Variants in KCNT2 observed in about 807,000 individuals in gnomAD.
KCNT2 encodes the protein potassium sodium-activated channel subfamily T member 2, also known as potassium channel subfamily T member 2.
A neutral mutation model predicts 153.8 loss-of-function variants in KCNT2; 67 were observed. The ratio of observed to expected loss-of-function variants is 0.44; its 90% CI spans 0.36 to 0.53. The LOEUF is 0.53. KCNT2 is among the 20% of genes least tolerant of loss of function. The pLI, the probability that KCNT2 is intolerant of heterozygous loss-of-function variation, is 0.00. For synonymous variants in KCNT2, 500 were observed against 458.8 expected (o/e 1.09, Z -1.15); for missense variants, 975 against 1,354.8 (o/e 0.72, Z 4.40).
chr1:196,423,824 T>C (rs1437122355), intron 11 of KCNT2, among the ~76,000 whole-genome samples: 1 of 151,834 alleles, frequency 6.6e-6, no homozygotes, highest in Non-Finnish European at 1.5e-5. Context: ...TGTTGCACCA[T>C]GGTTATTAAG....
chr1:196,233,140 C>T (rs1381517979), intron 27 of KCNT2, among the ~76,000 whole-genome samples: 1 of 151,284 alleles, frequency 6.6e-6, no homozygotes, highest in Admixed American at 6.6e-5. Flanking sequence ...AATCCAAGTG[C>T]ATCATAAATA....
intron 8 of KCNT2, among the ~76,000 whole-genome samples, chr1:196,435,086 A>G (rs997922945): frequency 7.3e-6 from 1 of 137,180 alleles, no homozygotes; most frequent in Admixed American, 7.8e-5. Flanking sequence ...TAAGCCACTA[A>G]GTTTAGGGGT....
At position 196,274,352 on chromosome 1, in the gene KCNT2, A is replaced by G. The variant is rs372209026; in HGVS notation, c.2910+6508T>C. On this transcript the variant is annotated intron_variant, in intron 25 of 27. Transcript: ENST00000294725. Reference sequence around the variant, plus strand: ...CTAGTGTTAGTATTATAAGTATTATAATAGTATTATCTATAACTGAAAATA... The same window carrying G: ...CTAGTGTTAGTATTATAAGTATTATGATAGTATTATCTATAACTGAAAATA... 5.3e-5 allele frequency among the ~76,000 whole-genome samples: 8 copies of G among 151,818 alleles called. No homozygotes were observed. The East Asian group carries it at 1.4e-3, about 26-fold the overall frequency.
chr1:196,419,581 C>G (rs1452322140), intron 12 of KCNT2, among the ~76,000 whole-genome samples: 1 of 151,576 alleles, frequency 6.6e-6, no homozygotes, highest in Admixed American at 6.6e-5. Context: ...TCCAGTCTAT[C>G]ATTGTTGGAC....
At chr1:196,258,142 T>C (rs1656678543) in intron 26 of KCNT2, 52 bp downstream of exon 26, 1 of 1,570,236 alleles carries the variant, frequency 6.4e-7, no homozygotes, top group South Asian at 1.2e-5. Context: ...ATATTACTAC[T>C]AATGGCAAGA....
intron 26 of KCNT2, among the ~76,000 whole-genome samples, chr1:196,240,726 G>A (rs1275771346): frequency 6.6e-6 from 1 of 152,020 alleles, no homozygotes; most frequent in Admixed American, 6.6e-5. Context: ...GGCAAGCTGG[G>A]ACCAGATTCT....
intron 1 of KCNT2, among the ~76,000 whole-genome samples, chr1:196,551,502 G>T (rs1657900006): frequency 6.6e-6 from 1 of 151,628 alleles, no homozygotes; most frequent in South Asian, 2.1e-4. Flanking sequence ...TGCAGTTTTT[G>T]TATGCTAGAG....
intron 16 of KCNT2, among the ~76,000 whole-genome samples, chr1:196,339,548 G>GAGAGAGAGAGAGAGAC (rs1558165885): frequency 6.6e-6 from 1 of 150,614 alleles, no homozygotes; most frequent in African/African-American, 2.4e-5. Context: ...GAGAGAGAGA[G>GAGAGAGAGAGAGAGAC]AGAGACAGAG....
At chr1:196,346,592 T>C (rs1666163927) in intron 14 of KCNT2, among the ~76,000 whole-genome samples, 1 of 152,118 alleles carries the variant, frequency 6.6e-6, no homozygotes, top group Non-Finnish European at 1.5e-5. Context: ...CCTCTCATTA[T>C]TATTGACCTT....
At chr1:196,593,755 C>A (rs1437144900) in intron 1 of KCNT2, among the ~76,000 whole-genome samples, 1 of 152,146 alleles carries the variant, frequency 6.6e-6, no homozygotes, top group East Asian at 1.9e-4. Flanking sequence ...AAAGATATGA[C>A]TTTCTACACA....
chr1:196,349,809 A>T (rs1363452483), intron 14 of KCNT2, among the ~76,000 whole-genome samples: 1 of 151,754 alleles, frequency 6.6e-6, no homozygotes, highest in Non-Finnish European at 1.5e-5. Flanking sequence ...TGCACCCATT[A>T]ACTCGTCATT....
chr1:196,270,647 A>C (rs903396625), intron 25 of KCNT2, among the ~76,000 whole-genome samples: 2 of 152,044 alleles, frequency 1.3e-5, no homozygotes, highest in African/African-American at 4.8e-5. Flanking sequence ...TTAACTTAGC[A>C]GTGCAATTTA....
At chr1:196,305,763 T>G (rs1202713382) in intron 21 of KCNT2, among the ~76,000 whole-genome samples, 3 of 152,180 alleles carry the variant, frequency 2.0e-5, no homozygotes, top group Non-Finnish European at 4.4e-5. Context: ...AGCTCTTTCA[T>G]GTCCTATGGC....
At chr1:196,239,059 T>C (rs1475504442) in intron 26 of KCNT2, among the ~76,000 whole-genome samples, 1 of 151,912 alleles carries the variant, frequency 6.6e-6, no homozygotes, top group Non-Finnish European at 1.5e-5. Flanking sequence ...ATGGCAAAGA[T>C]ACAAATTAAT....
At chr1:196,434,361 C>T (rs764856372) in intron 8 of KCNT2, among the ~76,000 whole-genome samples, 2 of 151,902 alleles carry the variant, frequency 1.3e-5, no homozygotes, top group African/African-American at 2.4e-5. Flanking sequence ...GCATTAAAAG[C>T]CGATCTCTGA....
chr1:196,452,167 T>C (rs1676270473), intron 8 of KCNT2, among the ~76,000 whole-genome samples: 2 of 152,024 alleles, frequency 1.3e-5, no homozygotes, highest in Non-Finnish European at 2.9e-5. Flanking sequence ...TCATGCCTTC[T>C]ATCTGCAAGG....
intron 8 of KCNT2, among the ~76,000 whole-genome samples, chr1:196,459,897 C>A (rs1676999705): frequency 6.6e-6 from 1 of 151,798 alleles, no homozygotes; most frequent in African/African-American, 2.4e-5. Flanking sequence ...CTTCAGGTCC[C>A]AAATCAGGGA....
intron 13 of KCNT2, among the ~76,000 whole-genome samples, chr1:196,387,447 G>A (rs1382240684): frequency 1.3e-5 from 2 of 151,736 alleles, no homozygotes; most frequent in African/African-American, 4.8e-5. Context: ...TATCATATCT[G>A]TATGTCCACC....
chr1:196,376,707 C>T (rs1279631055), intron 13 of KCNT2, among the ~76,000 whole-genome samples: 2 of 151,856 alleles, frequency 1.3e-5, no homozygotes, highest in Non-Finnish European at 2.9e-5. Context: ...AAAACCATCC[C>T]TATAAATTTT....
Sources: gnomAD v4.1 joint callset for allele counts (sites outside exome capture counted in the v4.1 genomes callset) on GRCh38, gnomAD v4.1.1 for gene constraint, MANE v1.5 for transcripts, NCBI Gene and HGNC (gene_info 2026-07-23, HGNC 2026-07-21) for gene names.